ARMC9: variants seen among roughly 807,000 people sequenced by gnomAD.
ARMC9 encodes the protein lisH domain-containing protein ARMC9.
In ARMC9, 94 loss-of-function variants were observed where a neutral mutation model predicts 107.0. That is an observed-to-expected ratio of 0.88 (90% CI 0.74 to 1.04). The LOEUF is 1.04. ARMC9 is among the 50% of genes least tolerant of loss of function. ARMC9 has a pLI of 0.00. For synonymous variants in ARMC9, 380 were observed against 396.9 expected (o/e 0.96, Z 0.51); for missense variants, 942 against 1,030.1 (o/e 0.91, Z 1.17).
intron 23 of ARMC9, among the ~76,000 whole-genome samples, chr2:231,363,296 G>C (rs549478574): frequency 5.0e-4 from 76 of 152,346 alleles, no homozygotes; most frequent in Admixed American, 1.5e-3. Flanking sequence ...CAACTTCCCC[G>C]AGCTCTGTTC....
rs563211433 is a variant in ARMC9 at position 231,303,479 on chromosome 2, G to A, written c.1773+7226G>A. Among the ~76,000 whole-genome samples the A allele has an allele frequency of 7.2e-5, 11 of 152,324 alleles. No individual in the cohort carries two copies. The South Asian group carries it at 1.0e-3, about 14-fold the overall frequency. ...TCAGTCCTTCTCCATCTAGTACAGC[G>A]TTAGCTGGGATTTTTTCATAGATCT... On this transcript the variant is annotated intron_variant, in intron 19 of 24. Coordinates refer to ENST00000611582, the MANE Select transcript of ARMC9 (RefSeq NM_001352754.2).
At chr2:231,290,820 A>ATC (rs1236265694) in intron 17 of ARMC9, among the ~76,000 whole-genome samples, 1 of 152,058 alleles carries the variant, frequency 6.6e-6, no homozygotes, top group Non-Finnish European at 1.5e-5. Context: ...CTTCTCAATG[A>ATC]TCATATTTGG....
chr2:231,252,089 A>G (rs1220803995), intron 9 of ARMC9, among the ~76,000 whole-genome samples: 1 of 152,214 alleles, frequency 6.6e-6, no homozygotes, highest in African/African-American at 2.4e-5. Flanking sequence ...CAGTTTCTTC[A>G]CAGGGCAAAT....
intron 7 of ARMC9, among the ~76,000 whole-genome samples, chr2:231,230,198 T>C (rs2035074610): frequency 6.6e-6 from 1 of 151,800 alleles, no homozygotes; most frequent in Non-Finnish European, 1.5e-5. Flanking sequence ...CCTATTGCTA[T>C]AAAAACTAAA....
intron 1 of ARMC9, among the ~76,000 whole-genome samples, chr2:231,203,455 A>C (rs1043835321): frequency 6.6e-6 from 1 of 152,128 alleles, no homozygotes; most frequent in Non-Finnish European, 1.5e-5. Context: ...AATGATGCTC[A>C]TGGCTGGCGT....
chr2:231,259,703 G>T (rs1393560854), intron 11 of ARMC9, among the ~76,000 whole-genome samples: 1 of 152,006 alleles, frequency 6.6e-6, no homozygotes, highest in Non-Finnish European at 1.5e-5. Context: ...TTAAAACTGA[G>T]AGGATTTGGC....
chr2:231,246,447 C>T (rs533514228), intron 9 of ARMC9, among the ~76,000 whole-genome samples: 9 of 152,202 alleles, frequency 5.9e-5, no homozygotes, highest in South Asian at 2.1e-4. Context: ...GAAGTAAGAG[C>T]GTGTGGTGTT....
intron 22 of ARMC9, among the ~76,000 whole-genome samples, chr2:231,356,434 A>AT (rs1166774168): frequency 1.3e-5 from 2 of 152,212 alleles, no homozygotes; most frequent in Non-Finnish European, 2.9e-5. Context: ...TGCCAGAAAA[A>AT]ATATATATAC....
chr2:231,330,291 A>G (rs1261302326), intron 19 of ARMC9, among the ~76,000 whole-genome samples: 1 of 146,452 alleles, frequency 6.8e-6, no homozygotes, highest in Non-Finnish European at 1.5e-5. Flanking sequence ...ACGATGGCGC[A>G]ATTTCGTCTT....
chr2:231,208,091 GT>G (rs1462189155), intron 2 of ARMC9, 35 bp from the exon 3 acceptor site: 8 of 869,392 alleles, frequency 9.2e-6, no homozygotes, highest in Non-Finnish European at 1.4e-5. Flanking sequence ...TTATTTGTTT[GT>G]TTTGCTGTTG....
At chr2:231,323,842 G>A (rs1179852971) in intron 19 of ARMC9, among the ~76,000 whole-genome samples, 1 of 152,116 alleles carries the variant, frequency 6.6e-6, no homozygotes, top group East Asian at 1.9e-4. Flanking sequence ...TTTCACCTCA[G>A]TTTTCTTACA....
At chr2:231,312,328 C>T (rs1165815793) in intron 19 of ARMC9, among the ~76,000 whole-genome samples, 1 of 152,218 alleles carries the variant, frequency 6.6e-6, no homozygotes, top group Non-Finnish European at 1.5e-5. Context: ...GCTTCCAGTC[C>T]TCTTGAGGCT....
chr2:231,349,489 C>A lies in ARMC9; in HGVS notation c.1994+4399C>A, dbSNP rs116011839. 3.8e-3 allele frequency among the ~76,000 whole-genome samples: 584 copies of A among 152,018 alleles called. 6 individuals are homozygous for A. Among genetic ancestry groups the A allele is most frequent in the African/African-American group, 0.013 (548 of 41,480 alleles). On this transcript the variant is annotated intron_variant, in intron 21 of 24. Transcript: ENST00000611582. The stretch of plus-strand genomic sequence containing the variant: ...GAAGGTTAATGGTGCCAAAAAAACA[C>A]ATAAAGAATGGGCCAGGCGTGGTGG...
intron 9 of ARMC9, among the ~76,000 whole-genome samples, chr2:231,245,742 G>A (rs982869530): frequency 6.6e-6 from 1 of 152,182 alleles, no homozygotes; most frequent in African/African-American, 2.4e-5. Context: ...TGGCTTTTCT[G>A]TTTTCTGCTG....
rs143070810 is a variant in ARMC9, at chr2:231,241,709, G to A, written c.879+1668G>A. Among the ~76,000 whole-genome samples the A allele has an allele frequency of 2.4e-3, 372 of 152,190 alleles. 4 individuals are homozygous for A. Among genetic ancestry groups the A allele is most frequent in the African/African-American group, 8.4e-3 (349 of 41,530 alleles). On this transcript the variant is annotated intron_variant, in intron 9 of 24. Transcript: ENST00000611582. ...ATGAGAAAACATAAATATGAGAAAC[G>A]AGAAGGTAGAAAATAAAAATAAGTA...
At chr2:231,339,349 A>G (rs114391117) in intron 20 of ARMC9, among the ~76,000 whole-genome samples, 4,604 of 152,128 alleles carry the variant, frequency 0.03, 232 homozygotes, top group African/African-American at 0.1. Flanking sequence ...AAAAAATTAT[A>G]TGTATTTTTA....
intron 1 of ARMC9, among the ~76,000 whole-genome samples, chr2:231,205,965 G>A (rs1045601869): frequency 9.9e-5 from 15 of 152,088 alleles, no homozygotes; most frequent in Non-Finnish European, 1.6e-4. Flanking sequence ...GACTGCCTTG[G>A]GCCCACCTGG....
intron 12 of ARMC9, among the ~76,000 whole-genome samples, chr2:231,263,431 C>T (rs573802968): frequency 1.1e-4 from 17 of 152,328 alleles, no homozygotes; most frequent in African/African-American, 3.6e-4. Context: ...CAGAAGTGAG[C>T]GTGCAAGTCA....
At chr2:231,311,607 T>G (rs941243468) in intron 19 of ARMC9, among the ~76,000 whole-genome samples, 1 of 151,862 alleles carries the variant, frequency 6.6e-6, no homozygotes, top group South Asian at 2.1e-4. Flanking sequence ...CCGTCTCTAC[T>G]AAAAGTACAA....
Sources: allele counts gnomAD v4.1 joint callset (sites outside exome capture counted in the v4.1 genomes callset), GRCh38; gene constraint gnomAD v4.1.1; transcripts MANE v1.5; gene names NCBI Gene and HGNC (gene_info 2026-07-23, HGNC 2026-07-21).